The following CNN3 variants were observed in gnomAD, a reference collection of about 807,000 sequenced individuals.
CNN3 encodes the protein calponin-3.
A neutral mutation model predicts 39.0 loss-of-function variants in CNN3; 11 were observed. The ratio of observed to expected loss-of-function variants is 0.28; its 90% CI spans 0.18 to 0.47. The LOEUF is 0.47. CNN3 is among the 20% of genes least tolerant of loss of function. The probability of loss-of-function intolerance (pLI) is 0.99; values close to 1 mark genes in which losing one functional copy is unlikely to be tolerated. For synonymous variants in CNN3, 101 were observed against 138.3 expected, an observed-to-expected ratio of 0.73 and a Z score of 1.89; for missense variants, 266 against 403.4, an observed-to-expected ratio of 0.66 and a Z score of 2.92.
At chr1:94,918,358 G>A (rs1557915136) in intron 1 of CNN3, among the ~76,000 whole-genome samples, 1 of 151,904 alleles carries the variant, frequency 6.6e-6, no homozygotes, top group African/African-American at 2.4e-5. Context: ...GCCAGACATG[G>A]TGGCATAGGC....
At chr1:94,904,673 C>T (rs859053) in intron 1 of CNN3, among the ~76,000 whole-genome samples, 1,585 of 152,068 alleles carry the variant, frequency 0.01, 20 homozygotes, top group Non-Finnish European at 0.012. Flanking sequence ...CTTGAGCCCA[C>T]GAGATCGAGG....
chr1:94,913,505 G>C (rs573368016), intron 1 of CNN3, among the ~76,000 whole-genome samples: 4 of 152,360 alleles, frequency 2.6e-5, no homozygotes, highest in Admixed American at 2.6e-4. Flanking sequence ...ACCAATCCCA[G>C]TGTACTCTGG....
At chr1:94,904,323 C>CCA (rs10622587) in intron 1 of CNN3, among the ~76,000 whole-genome samples, 150,796 of 152,280 alleles carry the variant, frequency 0.99, 74,690 homozygotes, top group Middle Eastern at 1. Context: ...TTTAATAAGA[C>CCA]CAGACCTCAA....
chr1:94,914,372 T>C (rs1163279628), intron 1 of CNN3, among the ~76,000 whole-genome samples: 1 of 152,210 alleles, frequency 6.6e-6, no homozygotes, highest in Non-Finnish European at 1.5e-5. Flanking sequence ...AAGGAAGGCA[T>C]GAAATCCACC....
At position 94,911,848 on chromosome 1, in the gene CNN3, T is replaced by C. The variant is rs140365080; in HGVS notation, c.58-8324A>G. Reference sequence around the variant, plus strand: ...ACTTTGGGAGGCCGAGGCAGATGGATCACCTGAGGTCAGGAGTTTGAGCTC... The same window carrying C: ...ACTTTGGGAGGCCGAGGCAGATGGACCACCTGAGGTCAGGAGTTTGAGCTC... On this transcript the variant is annotated intron_variant, in intron 1 of 6. Coordinates refer to ENST00000370206, the MANE Select transcript of CNN3 (RefSeq NM_001839.5). Among the ~76,000 whole-genome samples, 129 of 152,160 alleles carry C rather than the reference T, an allele frequency of 8.5e-4. 1 individual carries two copies. In the East Asian group the frequency reaches 0.01, roughly 12 times the overall value.
chr1:94,903,230 CA>C, intron 2 of CNN3, 42 bp from the exon 3 acceptor site: 1 of 1,595,782 alleles, frequency 6.3e-7, no homozygotes, highest in Non-Finnish European at 8.5e-7. Flanking sequence ...TACTGGCACA[CA>C]AAAACAAGGA....
At chr1:94,921,886 G>C (rs961179576) in intron 1 of CNN3, among the ~76,000 whole-genome samples, 3 of 152,126 alleles carry the variant, frequency 2.0e-5, no homozygotes, top group Non-Finnish European at 1.5e-5. Flanking sequence ...AACTAAAGCA[G>C]ACCAACAGCA....
intron 1 of CNN3, among the ~76,000 whole-genome samples, chr1:94,909,461 TC>T (rs1196277344): frequency 6.6e-6 from 1 of 151,998 alleles, no homozygotes; most frequent in South Asian, 2.1e-4. Flanking sequence ...TACAAGTCTC[TC>T]CCCCCACAAA....
In CNN3 at chr1:94,926,963, T is replaced by A. The variant is rs1671603163; in HGVS notation, c.-69A>T. The A allele has an allele frequency of 3.9e-6, 6 of 1,544,858 alleles. No individual in the cohort carries two copies. The highest frequency in any genetic ancestry group is 3.5e-6 in the Non-Finnish European group (4 of 1,130,658). ...CTCTCGCACTTCGCTTCCCCGCTCCTGGCCCCGAGGAGTGGCCGCCGCGGG... is the reference window on the plus strand; with the variant it reads ...CTCTCGCACTTCGCTTCCCCGCTCCAGGCCCCGAGGAGTGGCCGCCGCGGG... On this transcript the variant is annotated 5_prime_UTR_variant, in exon 1 of 7. Transcript: ENST00000370206. This position sits in a 1 kb window ranked among gnomAD's most constrained non-coding sequence, Gnocchi z 4.2.
intron 1 of CNN3, among the ~76,000 whole-genome samples, chr1:94,920,620 C>A (rs188899403): frequency 6.6e-6 from 1 of 152,136 alleles, no homozygotes; most frequent in Non-Finnish European, 1.5e-5. Context: ...ATTTTACATA[C>A]AAGACAGGCA....
intron 1 of CNN3, among the ~76,000 whole-genome samples, chr1:94,917,562 A>G (rs111912742): frequency 1.4e-4 from 21 of 152,172 alleles, no homozygotes; most frequent in African/African-American, 4.3e-4. Flanking sequence ...GGTAGGAACT[A>G]ATTTTTTTGG....
chr1:94,920,266 T>C (rs533502303), intron 1 of CNN3, among the ~76,000 whole-genome samples: 4 of 152,162 alleles, frequency 2.6e-5, no homozygotes, highest in African/African-American at 4.8e-5. Context: ...GGTGGAGTCC[T>C]GGATAAGGAC....
chr1:94,922,994 C>CA (rs1470401145), intron 1 of CNN3, among the ~76,000 whole-genome samples: 3 of 151,972 alleles, frequency 2.0e-5, no homozygotes, highest in African/African-American at 4.8e-5. Flanking sequence ...AGCTTCCTCC[C>CA]AAAAAAACAT....
chr1:94,900,837 T>C (rs1237178835), intron 5 of CNN3, among the ~76,000 whole-genome samples: 7 of 152,180 alleles, frequency 4.6e-5, no homozygotes, highest in African/African-American at 1.2e-4. Flanking sequence ...TTGGCTGCTA[T>C]ATCATGATTT....
chr1:94,918,019 C>A (rs557715574), intron 1 of CNN3, among the ~76,000 whole-genome samples: 17 of 152,210 alleles, frequency 1.1e-4, no homozygotes, highest in Non-Finnish European at 2.2e-4. Flanking sequence ...GAGACAGGAA[C>A]TCTCTGTACT....
At chr1:94,903,213 T>A (rs1186512512) in intron 2 of CNN3, 25 bp from the exon 3 acceptor site, 1 of 1,603,146 alleles carries the variant, frequency 6.2e-7, no homozygotes. Flanking sequence ...ATGAGAGACA[T>A]CTTATTTACT....
chr1:94,925,641 A>G, intron 1 of CNN3: 1 of 985,460 alleles, frequency 1.0e-6, no homozygotes, highest in Non-Finnish European at 1.2e-6. Context: ...ACCTCTTTAC[A>G]TAATTCGCTT....
At chr1:94,916,162 C>A (rs1671274022) in intron 1 of CNN3, among the ~76,000 whole-genome samples, 1 of 152,172 alleles carries the variant, frequency 6.6e-6, no homozygotes, top group Non-Finnish European at 1.5e-5. Context: ...CTCTCCTAAC[C>A]CCTGGAAATT....
intron 3 of CNN3, 85 bp downstream of exon 3, chr1:94,903,037 A>G: frequency 9.1e-7 from 1 of 1,096,086 alleles, no homozygotes; most frequent in African/African-American, 1.6e-5. Flanking sequence ...AAAAAACACA[A>G]AACCAAAAAA....
Sources: gnomAD v4.1 joint callset for allele counts (sites outside exome capture counted in the v4.1 genomes callset) on GRCh38, gnomAD v4.1.1 for gene constraint, Gnocchi (gnomAD v3.1) non-coding constraint, MANE v1.5 for transcripts, NCBI Gene and HGNC (gene_info 2026-07-23, HGNC 2026-07-21) for gene names.